The following ACTR3C variants were observed in gnomAD, a reference collection of about 807,000 sequenced individuals.
The protein encoded by ACTR3C is actin related protein 3C, also known as actin-related protein 3C.
Under a neutral mutation model 26.3 loss-of-function variants are expected in ACTR3C, and 18 were observed. That is an observed-to-expected ratio of 0.68 (90% CI 0.47 to 1.01). The LOEUF (loss-of-function observed/expected upper bound fraction) is 1.01, where lower values mean the gene tolerates loss of function less well. ACTR3C is among the 50% of genes least tolerant of loss of function. The probability of loss-of-function intolerance (pLI) is 0.00; values close to 1 mark genes in which losing one functional copy is unlikely to be tolerated. For missense variants in ACTR3C, 184 were observed against 250.7 expected, an observed-to-expected ratio of 0.73 and a Z score of 1.80; for synonymous variants, 55 against 94.5, an observed-to-expected ratio of 0.58 and a Z score of 2.42.
chr7:149,914,678 C>G, the ACTR3C span, among the ~76,000 whole-genome samples: 1 of 148,160 alleles, frequency 6.7e-6, no homozygotes, highest in Non-Finnish European at 1.5e-5. Flanking sequence ...TCCTTAGGAA[C>G]AGATGATGGG....
At chr7:150,195,645 G>A in the ACTR3C span, among the ~76,000 whole-genome samples, 9 of 152,324 alleles carry the variant, frequency 5.9e-5, no homozygotes, top group Admixed American at 2.0e-4. Flanking sequence ...TTGGGAGGCC[G>A]AGGCAGGTGG....
At chr7:150,071,959 C>T in the ACTR3C span, among the ~76,000 whole-genome samples, 6 of 145,688 alleles carry the variant, frequency 4.1e-5, no homozygotes, top group African/African-American at 1.5e-4. Context: ...GCAGTATCTG[C>T]TTCTATCAGC....
the ACTR3C span, among the ~76,000 whole-genome samples, chr7:149,947,783 G>C: frequency 6.9e-6 from 1 of 145,194 alleles, no homozygotes; most frequent in Non-Finnish European, 1.5e-5. Flanking sequence ...CGGACTGCAG[G>C]GGAATGGCCA....
At chr7:150,008,050 T>C in the ACTR3C span, among the ~76,000 whole-genome samples, 8 of 152,196 alleles carry the variant, frequency 5.3e-5, no homozygotes, top group Non-Finnish European at 1.2e-4. Flanking sequence ...TTGAACGTCT[T>C]AAACGAAAGA....
At chr7:150,124,443 T>C in the ACTR3C span, among the ~76,000 whole-genome samples, 4 of 152,166 alleles carry the variant, frequency 2.6e-5, no homozygotes, top group African/African-American at 7.2e-5. Context: ...TGGTTCTTCG[T>C]GTTTCTGTTG....
chr7:150,168,837 A>T, the ACTR3C span, among the ~76,000 whole-genome samples: 1 of 150,918 alleles, frequency 6.6e-6, no homozygotes, highest in Admixed American at 6.6e-5. Context: ...CAGTGGGACA[A>T]GAAAGAAAAT....
chr7:150,048,318 A>G, the ACTR3C span, among the ~76,000 whole-genome samples: 2 of 137,960 alleles, frequency 1.4e-5, no homozygotes, highest in Non-Finnish European at 3.2e-5. Flanking sequence ...CTCCTCCTCC[A>G]CCCCGGCCCC....
At chr7:150,168,355 C>A in the ACTR3C span, among the ~76,000 whole-genome samples, 1 of 150,786 alleles carries the variant, frequency 6.6e-6, no homozygotes, top group Non-Finnish European at 1.5e-5. Context: ...CTAGTCTGTG[C>A]ACTCCTTATG....
chr7:149,895,855 A>T, the ACTR3C span, among the ~76,000 whole-genome samples: 1 of 152,096 alleles, frequency 6.6e-6, no homozygotes, highest in African/African-American at 2.4e-5. Flanking sequence ...ACTGTTTTTA[A>T]TTAAAAAAAT....
At chr7:149,978,507 CG>C in the ACTR3C span, among the ~76,000 whole-genome samples, 15 of 151,790 alleles carry the variant, frequency 9.9e-5, no homozygotes, top group African/African-American at 3.4e-4. Context: ...CTAAGACCTA[CG>C]GGTGTCTACC....
the ACTR3C span, among the ~76,000 whole-genome samples, chr7:149,969,636 C>A: frequency 6.6e-6 from 1 of 152,128 alleles, no homozygotes; most frequent in African/African-American, 2.4e-5. Context: ...ATTTTGATAT[C>A]CCTTTTCTCT....
At chr7:150,134,165 C>T in the ACTR3C span, among the ~76,000 whole-genome samples, 1 of 151,074 alleles carries the variant, frequency 6.6e-6, no homozygotes, top group Non-Finnish European at 1.5e-5. Flanking sequence ...ATGTAACAAA[C>T]CTGCACGTTG....
chr7:150,068,507 T>G, the ACTR3C span, among the ~76,000 whole-genome samples: 2 of 152,076 alleles, frequency 1.3e-5, no homozygotes, highest in African/African-American at 2.4e-5. Context: ...TGGGACTCCT[T>G]CTCATGCCTG....
chr7:150,195,910 C>A, the ACTR3C span, among the ~76,000 whole-genome samples: 1 of 152,176 alleles, frequency 6.6e-6, no homozygotes, highest in Admixed American at 6.5e-5. Flanking sequence ...CATTTCACTT[C>A]ATTGTCTTCT....
At chr7:149,932,290 C>T in the ACTR3C span, among the ~76,000 whole-genome samples, 1 of 152,118 alleles carries the variant, frequency 6.6e-6, no homozygotes, top group South Asian at 2.1e-4. Flanking sequence ...TCCACAGAGA[C>T]AGAAAGCAGA....
chr7:149,979,862 C>T, the ACTR3C span, among the ~76,000 whole-genome samples: 1 of 149,318 alleles, frequency 6.7e-6, no homozygotes, highest in Admixed American at 6.6e-5. Context: ...AGAAGAGAGG[C>T]CTTTTGGATG....
the ACTR3C span, among the ~76,000 whole-genome samples, chr7:149,949,429 AAT>A: frequency 6.9e-6 from 1 of 145,868 alleles, no homozygotes; most frequent in Admixed American, 6.7e-5. Context: ...GAAGGAAGGA[AAT>A]GAATAAAGTG....
intron 6 of ACTR3C, among the ~76,000 whole-genome samples, chr7:150,266,481 A>G (rs1190705476): frequency 6.6e-6 from 1 of 152,034 alleles, no homozygotes; most frequent in Non-Finnish European, 1.5e-5. Context: ...AATTTCTTTG[A>G]AAAACCATTT....
the ACTR3C span, among the ~76,000 whole-genome samples, chr7:150,070,820 A>T: frequency 1.5e-5 from 2 of 136,320 alleles, no homozygotes; most frequent in African/African-American, 2.9e-5. Context: ...TTTGAGATGG[A>T]GTTTCGCTCT....
Sources: allele counts gnomAD v4.1 joint callset (sites outside exome capture counted in the v4.1 genomes callset), GRCh38; gene constraint gnomAD v4.1.1; transcripts MANE v1.5; gene names NCBI Gene and HGNC (gene_info 2026-07-23, HGNC 2026-07-21).